The following NTMT1 variants were observed in gnomAD, a reference collection of about 807,000 sequenced individuals.
NTMT1 encodes the protein N-terminal Xaa-Pro-Lys N-methyltransferase 1.
In NTMT1, 8 loss-of-function variants were observed where a neutral mutation model predicts 17.5. The observed-to-expected ratio is 0.46, with a 90% CI of 0.27 to 0.82. The LOEUF is 0.82. Among genes scored for constraint, NTMT1 ranks in the 40% least tolerant of loss-of-function variants. The pLI is 0.15. For missense variants in NTMT1, 221 were observed against 303.5 expected (o/e 0.73, Z 2.02); for synonymous variants, 128 against 126.8 (o/e 1.01, Z -0.06).
intron 2 of NTMT1, chr9:129,633,812 A>G (rs938051655): frequency 3.1e-5 from 15 of 487,836 alleles, no homozygotes; most frequent in African/African-American, 2.5e-4. Flanking sequence ...CAACCTGAAC[A>G]GAATGCAGAA....
At chr9:129,623,127 A>G (rs1306373207), upstream of NTMT1, among the ~76,000 whole-genome samples, 1 of 151,958 alleles carries the variant, frequency 6.6e-6, no homozygotes, top group East Asian at 1.9e-4. Flanking sequence ...AGGTCAGGAG[A>G]TCGAGACCAT....
chr9:129,624,478 A>G (rs1173590775), upstream of NTMT1, among the ~76,000 whole-genome samples: 1 of 152,236 alleles, frequency 6.6e-6, no homozygotes, highest in East Asian at 1.9e-4. Flanking sequence ...GGTATGCCAA[A>G]TAAGATGCAC....
chr9:129,616,540 C>T (rs1467576709), intron 1 of NTMT1, among the ~76,000 whole-genome samples: 3 of 152,068 alleles, frequency 2.0e-5, no homozygotes, highest in Non-Finnish European at 4.4e-5. Context: ...CTTATTGTAA[C>T]TGTCTATCTC....
intron 2 of NTMT1, chr9:129,633,244 C>A: frequency 2.6e-6 from 1 of 385,846 alleles, no homozygotes; most frequent in Non-Finnish European, 4.6e-6. Context: ...GGTTTCCACC[C>A]TCTGCTCCAC....
At chr9:129,632,074 T>C (rs1831198661) in intron 1 of NTMT1, among the ~76,000 whole-genome samples, 1 of 152,142 alleles carries the variant, frequency 6.6e-6, no homozygotes. Context: ...TGCTCTCGGC[T>C]TTGCGGTCGT....
At chr9:129,635,015 C>A (rs1480666486) in intron 3 of NTMT1, 193 bp from the exon 4 acceptor site, 1 of 659,576 alleles carries the variant, frequency 1.5e-6, no homozygotes, top group African/African-American at 1.8e-5. Flanking sequence ...GGTAGATGAC[C>A]TCTGAGCCAC....
At chr9:129,624,621 G>A (rs1588131532), upstream of NTMT1, among the ~76,000 whole-genome samples, 1 of 152,140 alleles carries the variant, frequency 6.6e-6, no homozygotes, top group African/African-American at 2.4e-5. Flanking sequence ...GGAACACCAG[G>A]ATAGTATTAT....
chr9:129,631,438 G>A lies in NTMT1; in HGVS notation c.-54-1212G>A, dbSNP rs139563669. On this transcript the variant is annotated intron_variant, in intron 1 of 3. Transcript: ENST00000372483. Reference sequence around the variant, plus strand: ...AGCACGGAGCCGCCCAACTGTCATCGCTGTCCTGAAGGGTGAGGTGGGCCT... The same window carrying A: ...AGCACGGAGCCGCCCAACTGTCATCACTGTCCTGAAGGGTGAGGTGGGCCT... Among the ~76,000 whole-genome samples, 1,008 of 152,324 alleles carry A rather than the reference G, an allele frequency of 6.6e-3. 2 individuals carry two copies. The highest frequency in any genetic ancestry group is 1.0e-2 in the Non-Finnish European group (678 of 68,036).
At chr9:129,635,134 T>TGAGAAGA in intron 3 of NTMT1, 74 bp from the exon 4 acceptor site, 1 of 1,536,522 alleles carries the variant, frequency 6.5e-7, no homozygotes, top group Non-Finnish European at 8.8e-7. Context: ...TCAGCGGGGC[T>TGAGAAGA]GAGAAGTACA....
chr9:129,625,386 A>C (rs4837393), upstream of NTMT1, among the ~76,000 whole-genome samples: 75,659 of 151,946 alleles, frequency 0.5, 19,775 homozygotes, highest in Non-Finnish European at 0.6. Context: ...GGTGGATTTG[A>C]GGACCAATGG....
rs1194194627 is a variant in NTMT1 at position 129,635,401 on chromosome 9, C to T, written c.609C>T (p.Ala203=). 27 of 1,613,272 alleles carry T rather than the reference C, an allele frequency of 1.7e-5. No individual in the cohort carries two copies. In the Admixed American group the frequency reaches 2.5e-4, roughly 15 times the overall value. Residue 203 remains alanine (A), a synonymous_variant, in exon 4 of 4, where the codon GCC becomes GCT. Coordinates refer to ENST00000372483, the MANE Select transcript of NTMT1 (RefSeq NM_014064.4). ...IICSAGLSLL[A]EERQENLPDE... is the part of the protein sequence containing the mutation. ...GCAGTGCAGGCCTCAGCCTCCTGGC[C>T]GAGGAGAGGCAGGAGAACCTCCCCG...
chr9:129,627,054 C>T (rs1286001487), intron 1 of NTMT1, among the ~76,000 whole-genome samples: 2 of 152,238 alleles, frequency 1.3e-5, no homozygotes, highest in Non-Finnish European at 2.9e-5. Context: ...TATAAGGAGC[C>T]TGGATTCCCT....
At chr9:129,633,007 C>A (rs1831260415) in intron 2 of NTMT1, 142 bp downstream of exon 2, 2 of 954,382 alleles carry the variant, frequency 2.1e-6, no homozygotes, top group Non-Finnish European at 1.6e-6. Flanking sequence ...CCTTGAGGAG[C>A]TGGGCTGGGT....
intron 3 of NTMT1, chr9:129,634,627 T>G: frequency 3.5e-6 from 1 of 289,350 alleles, no homozygotes; most frequent in Non-Finnish European, 6.4e-6. Flanking sequence ...GGTTTTATTT[T>G]TAATAAGATG....
In NTMT1 at chr9:129,620,454, G is replaced by C. The variant is rs944401966; in HGVS notation, c.-55+11276G>C. 2.0e-5 allele frequency: 27 copies of C among 1,320,282 alleles called. No individual in the cohort carries two copies. The highest frequency in any genetic ancestry group is 2.6e-5 in the Non-Finnish European group (27 of 1,032,868). The allele number at this position is 1,320,282 out of a possible 1,614,324, so 81.8% of individuals were successfully genotyped here. On this transcript the variant is annotated intron_variant, in intron 1 of 3. Coordinates refer to the NTMT1 transcript ENST00000372486. The surrounding 1 kb of genome is among the most constrained non-coding windows in gnomAD (Gnocchi z 5.8). ...GAGCCCCGCGCGCCCAGAGCCGCTC[G>C]GAGCGCGGGCGGGGTCAGCTTGGGC...
intron 1 of NTMT1, chr9:129,619,727 G>T: frequency 6.2e-7 from 1 of 1,613,780 alleles, no homozygotes; most frequent in South Asian, 1.1e-5. Context: ...CCAAGAAGCG[G>T]ACTGACGCTT....
chr9:129,619,798 A>G lies in NTMT1; in HGVS notation c.-55+10620A>G, dbSNP rs201081800. 3.1e-6 allele frequency: 5 copies of G among 1,614,110 alleles called. No individual in the cohort carries two copies. In the East Asian group the frequency reaches 1.1e-4, roughly 36 times the overall value. ...CGCGGAGACCCTGGGCAGTGCTCTA[A>G]TACACCCCTTTGATGTTGCGGTGCT... On this transcript the variant is annotated intron_variant, in intron 1 of 3. Coordinates refer to the NTMT1 transcript ENST00000372486.
chr9:129,635,398 G>T lies in NTMT1; in HGVS notation c.606G>T (p.Leu202=). Residue 202 remains leucine (L), a synonymous_variant, in exon 4 of 4, where the codon CTG becomes CTT. Coordinates refer to ENST00000372483, the MANE Select transcript of NTMT1 (RefSeq NM_014064.4). ...RIICSAGLSL[L]AEERQENLPD... is the part of the protein sequence containing the mutation. Reference sequence around the variant, plus strand: ...TCTGCAGTGCAGGCCTCAGCCTCCTGGCCGAGGAGAGGCAGGAGAACCTCC... The same window carrying T: ...TCTGCAGTGCAGGCCTCAGCCTCCTTGCCGAGGAGAGGCAGGAGAACCTCC... The T allele has an allele frequency of 6.2e-7, 1 of 1,613,668 alleles. No individual in the cohort carries two copies.
chr9:129,626,412 G>A (rs548737612), intron 1 of NTMT1, 117 bp downstream of exon 1: 3 of 152,408 alleles, frequency 2.0e-5, no homozygotes, highest in African/African-American at 7.2e-5. Flanking sequence ...GTGACCCGGC[G>A]CGTGCGCGCG....
Sources: gnomAD v4.1 joint callset for allele counts (sites outside exome capture counted in the v4.1 genomes callset) on GRCh38, gnomAD v4.1.1 for gene constraint, Gnocchi (gnomAD v3.1) non-coding constraint, MANE v1.5 for transcripts, NCBI Gene and HGNC (gene_info 2026-07-23, HGNC 2026-07-21) for gene names.